DCTN2: variants seen among roughly 807,000 people sequenced by gnomAD.
The protein encoded by DCTN2 is 50 kDa dynein-associated polypeptide.
DCTN2 carries 18 observed loss-of-function variants against 55.4 expected under a neutral mutation model. The ratio of observed to expected loss-of-function variants is 0.32; its 90% CI spans 0.22 to 0.48. DCTN2 has a LOEUF of 0.48. Ranked by LOEUF, DCTN2 falls within the 20% of genes least tolerant of loss-of-function variation. DCTN2 has a pLI of 0.99. For missense variants in DCTN2, 390 were observed against 491.0 expected (o/e 0.79, Z 1.94); for synonymous variants, 168 against 185.2 (o/e 0.91, Z 0.76).
intron 2 of DCTN2, chr12:57,544,066 G>A (rs1328372428): frequency 6.9e-6 from 3 of 433,388 alleles, no homozygotes; most frequent in Non-Finnish European, 1.4e-5. Context: ...CTACCTGTTT[G>A]TATCACAGCG....
rs1688241050 is a variant in DCTN2, at chr12:57,532,521, C to T, written c.924+51G>A. ...GTGTTCTCATGCTTTGACACTGCCA[C>T]TCGGAGAACCTGAGGGAGTGGAAAG... On this transcript the variant is annotated intron_variant, in intron 11 of 13. Transcript: ENST00000548249. 5 of 1,591,178 alleles carry T rather than the reference C, an allele frequency of 3.1e-6. No individual in the cohort carries two copies. In the Admixed American group the frequency reaches 8.3e-5, roughly 27 times the overall value.
rs1879529225 is a variant in DCTN2 at position 57,530,287 on chromosome 12, C to T, written c.*402G>A. 1.2e-5 allele frequency: 2 copies of T among 164,698 alleles called. No individual in the cohort carries two copies. Among genetic ancestry groups the T allele is most frequent in the South Asian group, 3.9e-4 (2 of 5,098 alleles). The allele number at this position is 164,698 out of a possible 1,614,324, so 10.2% of individuals were successfully genotyped here. A position where few individuals can be genotyped will look rare whatever the true frequency, so the allele number is the denominator to read the frequency against. ...TCTATATCCTAGTGCTGCTTCCTCC[C>T]CAGGAAACACAGCAGAGGCCACACA... On this transcript the variant is annotated 3_prime_UTR_variant, in exon 14 of 14. Coordinates refer to ENST00000548249, the MANE Select transcript of DCTN2 (RefSeq NM_001261413.2).
intron 2 of DCTN2, chr12:57,540,095 T>A (rs1880575974): frequency 2.0e-6 from 2 of 984,616 alleles, no homozygotes; most frequent in Non-Finnish European, 2.4e-6. Flanking sequence ...TAGAGGTGGC[T>A]CCAGATCCTG....
chr12:57,534,402 C>T lies in DCTN2; in HGVS notation c.414G>A (p.Leu138=). 6.2e-7 allele frequency: 1 copy of T among 1,612,542 alleles called. No individual in the cohort carries two copies. The highest frequency in any genetic ancestry group is 1.1e-5 in the South Asian group (1 of 90,784). Residue 138 remains leucine (L), a synonymous_variant, in exon 6 of 14, where the codon CTG becomes CTA. Transcript: ENST00000548249. The part of the protein sequence containing the change: ...ATEEKLTPVL[L]AKQLAALKQQ... Reference sequence around the variant, plus strand: ...GCTTCAGGGCTGCCAGCTGTTTAGCCAGCAACACAGGGGTCAGCTTCTCCT... The same window carrying T: ...GCTTCAGGGCTGCCAGCTGTTTAGCTAGCAACACAGGGGTCAGCTTCTCCT...
chr12:57,540,662 T>C (rs1281815204), intron 2 of DCTN2, among the ~76,000 whole-genome samples: 4 of 152,176 alleles, frequency 2.6e-5, no homozygotes, highest in Admixed American at 2.0e-4. Flanking sequence ...ACGCCAACAC[T>C]GCAGCCAGGG....
chr12:57,541,531 G>A (rs1880695368), intron 2 of DCTN2, among the ~76,000 whole-genome samples: 1 of 152,198 alleles, frequency 6.6e-6, no homozygotes, highest in African/African-American at 2.4e-5. Context: ...GGAGTGTCCA[G>A]TAATATCTAC....
rs764561977 is a variant in DCTN2 at position 57,530,775 on chromosome 12, C to A, written c.1120G>T (p.Val374Leu). ...AGGTTTTCACGCATGGTTGTCTGCA[C>A]CTACAAAGTGGTAGAGAGGTTTTAC... ...LKDNTTLLTQ[V>L]QTTMRENLAT... Residue 374 changes from valine (V) to leucine (L), a missense_variant and splice_region_variant, in exon 14 of 14, where the codon GTG becomes TTG. Transcript: ENST00000548249. 6.2e-7 allele frequency: 1 copy of A among 1,613,088 alleles called. No homozygotes were observed. Among genetic ancestry groups the A allele is most frequent in the East Asian group, 2.2e-5 (1 of 44,866 alleles).
chr12:57,535,239 A>G, intron 4 of DCTN2, 85 bp from the exon 5 acceptor site: 2 of 1,167,410 alleles, frequency 1.7e-6, no homozygotes, highest in Non-Finnish European at 2.5e-6. Context: ...CCTAAGTCAT[A>G]AAGGTATCAT....
rs1565679649 is a variant in DCTN2, at chr12:57,535,778, T to TTGGCAGCATTGCCTA, written c.172_173insTAGGCAATGCTGCCA (p.Phe57_Lys58insIleGlyAsnAlaAla). 5 of 1,614,004 alleles carry TTGGCAGCATTGCCTA rather than the reference T, an allele frequency of 3.1e-6. No homozygotes were observed. Among genetic ancestry groups the TTGGCAGCATTGCCTA allele is most frequent in the Non-Finnish European group, 4.2e-6 (5 of 1,179,866 alleles). On this transcript the variant is annotated inframe_insertion, in exon 3 of 14. Coordinates refer to ENST00000548249, the MANE Select transcript of DCTN2 (RefSeq NM_001261413.2). Reference sequence around the variant, plus strand: ...TCCCTTTGTCCCCACTCTCTTGTCCTTGAACTTGTCATAGGCAGCATTAGG... The same window carrying TTGGCAGCATTGCCTA: ...TCCCTTTGTCCCCACTCTCTTGTCCTTGGCAGCATTGCCTATGAACTTGTCATAGGCAGCATTAGG...
intron 2 of DCTN2, chr12:57,538,384 C>T (rs1880418222): frequency 1.5e-6 from 1 of 681,176 alleles, no homozygotes; most frequent in Non-Finnish European, 2.7e-6. Context: ...ATTACAGTGA[C>T]TTGTGAGATA....
At chr12:57,544,163 G>A (rs1298360672) in intron 2 of DCTN2, 1 of 449,402 alleles carries the variant, frequency 2.2e-6, no homozygotes, top group East Asian at 7.0e-5. Flanking sequence ...TGGTAGTGCA[G>A]TAAAGTTCTC....
chr12:57,544,202 G>A (rs1050577595), intron 2 of DCTN2: 4 of 413,314 alleles, frequency 9.7e-6, no homozygotes, highest in African/African-American at 4.2e-5. Context: ...GGCAACTGTG[G>A]GAGACTGGTT....
At chr12:57,534,159 C>A in intron 6 of DCTN2, 62 bp from the exon 7 acceptor site, 1 of 1,533,520 alleles carries the variant, frequency 6.5e-7, no homozygotes, top group South Asian at 1.3e-5. Flanking sequence ...CACTCTCCCT[C>A]ACTTTTGCCT....
At position 57,535,746 on chromosome 12, in the gene DCTN2, C is replaced by T. The variant is rs1880180682; in HGVS notation, c.202+3G>A. ...CCCCACCCAGCTTCCAGCCCAGTCT[C>T]ACCAAGTCCCTTTGTCCCCACTCTC... On this transcript the variant is annotated splice_donor_region_variant and intron_variant, in intron 3 of 13. Transcript: ENST00000548249. 1.2e-6 allele frequency: 2 copies of T among 1,612,956 alleles called. No homozygotes were observed. Among genetic ancestry groups the T allele is most frequent in the East Asian group, 2.2e-5 (1 of 44,888 alleles).
intron 12 of DCTN2, 51 bp from the exon 13 acceptor site, chr12:57,532,157 C>T (rs1879789498): frequency 6.4e-7 from 1 of 1,552,080 alleles, no homozygotes; most frequent in Non-Finnish European, 8.7e-7. Context: ...AGGGAGGGGA[C>T]CAAAAGTTGC....
intron 7 of DCTN2, 90 bp from the exon 8 acceptor site, chr12:57,533,393 C>T: frequency 8.5e-7 from 1 of 1,171,558 alleles, no homozygotes; most frequent in Non-Finnish European, 1.3e-6. Flanking sequence ...GCCTGCCACT[C>T]ACCACCCCAA....
rs201411813 is a variant in DCTN2, at chr12:57,532,778, G to A, written c.807C>T (p.Ser269=). 10 of 1,613,968 alleles carry A rather than the reference G, an allele frequency of 6.2e-6. No individual in the cohort carries two copies. In the Middle Eastern group the frequency reaches 4.9e-4, roughly 80 times the overall value. The change falls in exon 10 of 14, where the codon AGC becomes AGT. Residue 269 remains serine (S), a synonymous_variant. Coordinates refer to ENST00000548249, the MANE Select transcript of DCTN2 (RefSeq NM_001261413.2). ...ETVELLQAKV[S]ALDLAVLDQV... is the part of the protein sequence containing the mutation. ...GATCCAAAACTGCAAGGTCTAGGGC[G>A]CTCACCTTTGCTTGCAACAGCTCTA...
intron 2 of DCTN2, among the ~76,000 whole-genome samples, chr12:57,538,951 A>T (rs1779544422): frequency 6.6e-6 from 1 of 152,240 alleles, no homozygotes; most frequent in Admixed American, 6.5e-5. Flanking sequence ...AGAAATTCTT[A>T]GACTTGTAGC....
intron 6 of DCTN2, 95 bp from the exon 7 acceptor site, chr12:57,534,192 C>A: frequency 6.6e-7 from 1 of 1,525,578 alleles, no homozygotes; most frequent in Non-Finnish European, 8.8e-7. Context: ...TAAGAAACAT[C>A]TAAGCCACTT....
Sources: gnomAD v4.1 joint callset for allele counts (sites outside exome capture counted in the v4.1 genomes callset) on GRCh38, gnomAD v4.1.1 for gene constraint, MANE v1.5 for transcripts, NCBI Gene and HGNC (gene_info 2026-07-23, HGNC 2026-07-21) for gene names.